The following THSD4 variants were observed in gnomAD, a reference collection of about 807,000 sequenced individuals.
The protein encoded by THSD4 is thrombospondin type-1 domain-containing protein 4.
A neutral mutation model predicts 119.0 loss-of-function variants in THSD4; 69 were observed. The ratio of observed to expected loss-of-function variants is 0.58; its 90% CI spans 0.48 to 0.71. The LOEUF (loss-of-function observed/expected upper bound fraction) is 0.71. THSD4 is among the 30% of genes least tolerant of loss of function. THSD4 has a pLI of 0.00. For missense variants in THSD4, 1,393 were observed against 1,391.1 expected, an observed-to-expected ratio of 1.00 and a Z score of -0.02; for synonymous variants, 524 against 540.4, an observed-to-expected ratio of 0.97 and a Z score of 0.42.
At chr15:71,374,726 T>C (rs1423574888) in intron 6 of THSD4, among the ~76,000 whole-genome samples, 1 of 152,162 alleles carries the variant, frequency 6.6e-6, no homozygotes, top group Admixed American at 6.5e-5. Context: ...CCTAATCACT[T>C]GAAATTAAGG....
At chr15:71,402,495 A>G (rs1172852018) in intron 6 of THSD4, among the ~76,000 whole-genome samples, 2 of 152,098 alleles carry the variant, frequency 1.3e-5, no homozygotes, top group South Asian at 2.1e-4. Flanking sequence ...AACACCTGTG[A>G]TGGATGTGGG....
chr15:71,430,045 T>G (rs1230323056), intron 7 of THSD4, among the ~76,000 whole-genome samples: 2 of 152,208 alleles, frequency 1.3e-5, no homozygotes, highest in Admixed American at 1.3e-4. Context: ...GTGATAGATT[T>G]TCCTGGATTT....
chr15:71,695,307 C>A (rs568828552), intron 8 of THSD4, among the ~76,000 whole-genome samples: 106 of 152,128 alleles, frequency 7.0e-4, no homozygotes, highest in African/African-American at 2.5e-3. Flanking sequence ...TCTACAGATT[C>A]TCCCTTCTAT....
intron 7 of THSD4, among the ~76,000 whole-genome samples, chr15:71,628,032 G>A (rs1196862450): frequency 2.0e-5 from 3 of 152,300 alleles, no homozygotes; most frequent in Admixed American, 2.0e-4. Flanking sequence ...GGGTGCCCCA[G>A]AGTCATGGGC....
chr15:71,517,304 C>T (rs2048375161), intron 7 of THSD4, among the ~76,000 whole-genome samples: 1 of 152,138 alleles, frequency 6.6e-6, no homozygotes, highest in Non-Finnish European at 1.5e-5. Flanking sequence ...CTCCCATTCT[C>T]CCCTTCTCTC....
chr15:71,331,644 C>T (rs1472574183), intron 6 of THSD4, among the ~76,000 whole-genome samples: 1 of 152,120 alleles, frequency 6.6e-6, no homozygotes, highest in Non-Finnish European at 1.5e-5. Flanking sequence ...AGGCTTTGCT[C>T]TTGGCCCACC....
intron 2 of THSD4, among the ~76,000 whole-genome samples, chr15:71,152,872 C>T (rs1466135977): frequency 6.6e-6 from 1 of 152,178 alleles, no homozygotes; most frequent in Admixed American, 6.5e-5. Context: ...TCCCGTACTC[C>T]ATGGGTATAA....
At chr15:71,476,229 G>A (rs530718457) in intron 7 of THSD4, among the ~76,000 whole-genome samples, 9 of 152,194 alleles carry the variant, frequency 5.9e-5, no homozygotes, top group Admixed American at 2.0e-4. Context: ...TTTCTCCACC[G>A]GCTGTATATT....
intron 3 of THSD4, among the ~76,000 whole-genome samples, chr15:71,191,626 G>A (rs781278901): frequency 1.3e-5 from 2 of 152,180 alleles, no homozygotes; most frequent in Non-Finnish European, 2.9e-5. Flanking sequence ...AACCTTGGCT[G>A]ACTAGTGGTG....
chr15:71,269,518 C>T (rs1382029233), intron 6 of THSD4, among the ~76,000 whole-genome samples: 1 of 152,134 alleles, frequency 6.6e-6, no homozygotes, highest in Non-Finnish European at 1.5e-5. Flanking sequence ...AAGCTGGAAG[C>T]ATTCCCTTTG....
At chr15:71,345,195 C>T (rs899431233) in intron 6 of THSD4, among the ~76,000 whole-genome samples, 1 of 4,382 alleles carries the variant, frequency 2.3e-4, no homozygotes, top group Non-Finnish European at 4.1e-4. Flanking sequence ...ATGCAAGTGG[C>T]GGGGGGTTGG....
intron 7 of THSD4, among the ~76,000 whole-genome samples, chr15:71,608,238 A>ATG (rs1567060271): frequency 1.9e-5 from 1 of 52,588 alleles, no homozygotes; most frequent in Non-Finnish European, 4.3e-5. Flanking sequence ...AAAAAAAAAA[A>ATG]TATATATATA....
intron 1 of THSD4, among the ~76,000 whole-genome samples, chr15:71,136,658 G>A (rs554042464): frequency 9.0e-4 from 136 of 151,580 alleles, no homozygotes; most frequent in African/African-American, 3.2e-3. Flanking sequence ...AGAGGACAGC[G>A]TGTGTAGGAG....
chr15:71,670,728 G>A (rs2051508828), intron 8 of THSD4, among the ~76,000 whole-genome samples: 1 of 151,018 alleles, frequency 6.6e-6, no homozygotes, highest in African/African-American at 2.4e-5. Flanking sequence ...TCCCCCCTAT[G>A]AGTGAGAACA....
At chr15:71,608,280 A>ACACACACACT (rs1178028968) in intron 7 of THSD4, among the ~76,000 whole-genome samples, 3 of 147,116 alleles carry the variant, frequency 2.0e-5, no homozygotes, top group Non-Finnish European at 4.5e-5. Flanking sequence ...ACACACACAC[A>ACACACACACT]CACTCATTGT....
At chr15:71,580,742 A>ATT (rs1322357101) in intron 7 of THSD4, among the ~76,000 whole-genome samples, 1 of 152,014 alleles carries the variant, frequency 6.6e-6, no homozygotes, top group Admixed American at 6.5e-5. Context: ...ATCATGCAGT[A>ATT]TTTGTCTTTG....
chr15:71,676,508 T>C (rs1220152558), intron 8 of THSD4, among the ~76,000 whole-genome samples: 2 of 152,050 alleles, frequency 1.3e-5, no homozygotes, highest in Non-Finnish European at 1.5e-5. Context: ...TCTCAATCTC[T>C]TGACCTCGTG....
intron 6 of THSD4, among the ~76,000 whole-genome samples, chr15:71,368,254 T>A (rs531645713): frequency 3.6e-4 from 55 of 152,230 alleles, no homozygotes; most frequent in South Asian, 2.3e-3. Flanking sequence ...CTCTGATGGT[T>A]GTTTCTTTTG....
intron 3 of THSD4, among the ~76,000 whole-genome samples, chr15:71,204,650 G>A (rs917318456): frequency 6.6e-6 from 1 of 152,090 alleles, no homozygotes; most frequent in African/African-American, 2.4e-5. Flanking sequence ...GGCAGACTTG[G>A]GACCAGCCTG....
Sources: allele counts gnomAD v4.1 joint callset (sites outside exome capture counted in the v4.1 genomes callset), GRCh38; gene constraint gnomAD v4.1.1; transcripts MANE v1.5; gene names NCBI Gene and HGNC (gene_info 2026-07-23, HGNC 2026-07-21).